The following TGFA variants were observed in gnomAD, a reference collection of about 807,000 sequenced individuals.
TGFA encodes protransforming growth factor alpha.
TGFA carries 12 observed loss-of-function variants against 21.7 expected under a neutral mutation model. That is an observed-to-expected ratio of 0.55 (90% CI 0.35 to 0.90). The LOEUF (loss-of-function observed/expected upper bound fraction) is 0.90. TGFA is among the 40% of genes least tolerant of loss of function. The pLI is 0.01. For missense variants in TGFA, 178 were observed against 210.8 expected (o/e 0.84, Z 0.96); for synonymous variants, 79 against 88.1 (o/e 0.90, Z 0.58).
intron 2 of TGFA, among the ~76,000 whole-genome samples, chr2:70,479,063 A>G (rs2103747141): frequency 6.6e-6 from 1 of 152,210 alleles, no homozygotes; most frequent in Non-Finnish European, 1.5e-5. Flanking sequence ...TATAAAACTT[A>G]TATTTCAGTA....
chr2:70,512,121 G>T (rs570926633), intron 2 of TGFA, among the ~76,000 whole-genome samples: 50 of 152,286 alleles, frequency 3.3e-4, no homozygotes, highest in African/African-American at 1.1e-3. Context: ...TTAAGCATAA[G>T]CCTGATCTAG....
At chr2:70,497,494 C>G (rs1184788473) in intron 2 of TGFA, among the ~76,000 whole-genome samples, 1 of 152,222 alleles carries the variant, frequency 6.6e-6, no homozygotes, top group Non-Finnish European at 1.5e-5. Flanking sequence ...TCTTCACCTA[C>G]TATATGGGAG....
chr2:70,515,676 T>C (rs551976884), intron 1 of TGFA, among the ~76,000 whole-genome samples: 3 of 152,292 alleles, frequency 2.0e-5, no homozygotes, highest in Admixed American at 2.0e-4. Context: ...CCACTGAAGA[T>C]GCCATGGAGC....
chr2:70,465,087 TGGAGA>T (rs1670511948), intron 3 of TGFA, among the ~76,000 whole-genome samples: 2 of 152,238 alleles, frequency 1.3e-5, no homozygotes, highest in Admixed American at 6.5e-5. Flanking sequence ...CAGCCAGGTG[TGGAGA>T]CCACCATGCA....
chr2:70,531,113 A>G lies in TGFA; in HGVS notation c.41-16201T>C, dbSNP rs116523857. Among the ~76,000 whole-genome samples the G allele has an allele frequency of 1.9e-3, 285 of 152,328 alleles. 2 individuals are homozygous for G. The highest frequency in any genetic ancestry group is 3.1e-3 in the South Asian group (15 of 4,828). ...GGAAAGGAGTCCTCCCCTCTAAGAAAAGGTAGAAGGCAGTGTTCCTTCTGA... is the reference window on the plus strand; with the variant it reads ...GGAAAGGAGTCCTCCCCTCTAAGAAGAGGTAGAAGGCAGTGTTCCTTCTGA... On this transcript the variant is annotated intron_variant, in intron 1 of 5. Coordinates refer to ENST00000295400, the MANE Select transcript of TGFA (RefSeq NM_003236.4).
At chr2:70,538,743 A>G (rs1283954581) in intron 1 of TGFA, among the ~76,000 whole-genome samples, 1 of 152,244 alleles carries the variant, frequency 6.6e-6, no homozygotes, top group Non-Finnish European at 1.5e-5. Context: ...CCTGGTGAAG[A>G]TGCTGTGAAC....
chr2:70,496,034 G>A (rs929673044), intron 2 of TGFA, among the ~76,000 whole-genome samples: 1 of 151,946 alleles, frequency 6.6e-6, no homozygotes, highest in African/African-American at 2.4e-5. Context: ...CCAACCAGAG[G>A]CTCCTGAGCA....
At chr2:70,484,458 C>T (rs190871076) in intron 2 of TGFA, among the ~76,000 whole-genome samples, 5 of 152,210 alleles carry the variant, frequency 3.3e-5, no homozygotes, top group African/African-American at 9.6e-5. Flanking sequence ...AGCAACTGTC[C>T]ATGTCATTAT....
intron 2 of TGFA, among the ~76,000 whole-genome samples, chr2:70,490,672 C>G (rs940258085): frequency 2.0e-5 from 3 of 152,124 alleles, no homozygotes; most frequent in Non-Finnish European, 4.4e-5. Context: ...AGTAAATAAT[C>G]AAGGGGGTAT....
intron 1 of TGFA, among the ~76,000 whole-genome samples, chr2:70,540,692 GTTAAAA>G (rs1673109148): frequency 6.6e-6 from 1 of 151,988 alleles, no homozygotes; most frequent in African/African-American, 2.4e-5. Flanking sequence ...AGTCCCTAAG[GTTAAAA>G]ACAAAAAAAT....
chr2:70,546,843 C>A (rs915920739), intron 1 of TGFA, among the ~76,000 whole-genome samples: 5 of 152,076 alleles, frequency 3.3e-5, no homozygotes, highest in African/African-American at 7.2e-5. Flanking sequence ...GTGTGAGCCA[C>A]CTTGCTTGGC....
intron 2 of TGFA, among the ~76,000 whole-genome samples, chr2:70,508,084 A>G (rs145621524): frequency 1.3e-5 from 2 of 152,364 alleles, no homozygotes; most frequent in East Asian, 1.9e-4. Context: ...TGTTGTTTCT[A>G]TAAGTAGAGA....
chr2:70,470,220 GA>G (rs1574078726), intron 2 of TGFA, among the ~76,000 whole-genome samples: 1 of 152,102 alleles, frequency 6.6e-6, no homozygotes, highest in South Asian at 2.1e-4. Context: ...GGCGGGCAGT[GA>G]GAGAGGGAAG....
At chr2:70,504,461 T>TATATATAC (rs1490288034) in intron 2 of TGFA, among the ~76,000 whole-genome samples, 5 of 65,166 alleles carry the variant, frequency 7.7e-5, no homozygotes, top group African/African-American at 5.1e-4. Context: ...TATATATATA[T>TATATATAC]ATACACACAT....
intron 2 of TGFA, among the ~76,000 whole-genome samples, chr2:70,498,704 A>C (rs1210371678): frequency 6.6e-6 from 1 of 151,628 alleles, no homozygotes; most frequent in Non-Finnish European, 1.5e-5. Flanking sequence ...GACAGCTTGC[A>C]CAGATCTAGT....
chr2:70,534,421 G>A (rs569609598), intron 1 of TGFA, among the ~76,000 whole-genome samples: 1 of 152,278 alleles, frequency 6.6e-6, no homozygotes, highest in African/African-American at 2.4e-5. Context: ...AGGAGGAGGT[G>A]AAGCCAGTGC....
intron 2 of TGFA, among the ~76,000 whole-genome samples, chr2:70,470,844 G>T (rs1167168783): frequency 1.3e-5 from 2 of 151,946 alleles, no homozygotes; most frequent in Non-Finnish European, 2.9e-5. Flanking sequence ...TTAGAAGGTT[G>T]TTTATTAAAA....
chr2:70,532,895 C>T (rs1290455604), intron 1 of TGFA, among the ~76,000 whole-genome samples: 1 of 150,224 alleles, frequency 6.7e-6, no homozygotes, highest in Non-Finnish European at 1.5e-5. Context: ...GGGCCTCACT[C>T]TGTTGCCTAG....
chr2:70,511,663 T>C (rs1254986321), intron 2 of TGFA, among the ~76,000 whole-genome samples: 1 of 152,160 alleles, frequency 6.6e-6, no homozygotes, highest in Non-Finnish European at 1.5e-5. Context: ...ATCTGTTACG[T>C]ATACGCATTG....
Sources: gnomAD v4.1 joint callset for allele counts (sites outside exome capture counted in the v4.1 genomes callset) on GRCh38, gnomAD v4.1.1 for gene constraint, MANE v1.5 for transcripts, NCBI Gene and HGNC (gene_info 2026-07-23, HGNC 2026-07-21) for gene names.